Variants in ABCC9 observed in about 807,000 individuals in gnomAD.
ABCC9 encodes the protein ATP-binding cassette sub-family C member 9.
A neutral mutation model predicts 188.3 loss-of-function variants in ABCC9; 95 were observed. That is an observed-to-expected ratio of 0.50 (90% CI 0.43 to 0.60). ABCC9 has a LOEUF of 0.60. Among genes scored for constraint, ABCC9 ranks in the 20% least tolerant of loss-of-function variants. The pLI is 0.00. For synonymous variants in ABCC9, 659 were observed against 652.7 expected (o/e 1.01, Z -0.15); for missense variants, 1,102 against 1,876.3 (o/e 0.59, Z 7.62).
chr12:21,804,309 G>A (rs1941690892), intron 39 of ABCC9, among the ~76,000 whole-genome samples: 1 of 152,162 alleles, frequency 6.6e-6, no homozygotes, highest in Non-Finnish European at 1.5e-5. Flanking sequence ...TAATCTTCCA[G>A]ATACAGACTA....
chr12:21,864,181 G>A (rs552488549), intron 19 of ABCC9, among the ~76,000 whole-genome samples: 32 of 152,138 alleles, frequency 2.1e-4, no homozygotes, highest in Middle Eastern at 6.8e-3. Flanking sequence ...GTTTACTGAG[G>A]ATAGTTTGAG....
chr12:21,801,964 G>A (rs1565675885), intron 39 of ABCC9, among the ~76,000 whole-genome samples: 5 of 152,020 alleles, frequency 3.3e-5, no homozygotes. Flanking sequence ...TCAAAATTAG[G>A]TTTACTAATT....
At chr12:21,839,026 A>G (rs1310747851) in intron 29 of ABCC9, among the ~76,000 whole-genome samples, 1 of 152,226 alleles carries the variant, frequency 6.6e-6, no homozygotes, top group African/African-American at 2.4e-5. Context: ...ACGCTGTCTC[A>G]AAAATAAAAC....
At chr12:21,880,622 G>A (rs2137638893) in intron 16 of ABCC9, among the ~76,000 whole-genome samples, 2 of 152,126 alleles carry the variant, frequency 1.3e-5, no homozygotes, top group Middle Eastern at 3.4e-3. Flanking sequence ...AAAGTTGCTT[G>A]ACCTTATTTG....
chr12:21,903,926 A>G (rs1947898569), intron 12 of ABCC9, among the ~76,000 whole-genome samples: 1 of 152,258 alleles, frequency 6.6e-6, no homozygotes, highest in Non-Finnish European at 1.5e-5. Context: ...ATTGAAAAAA[A>G]CTACTTTAAA....
chr12:21,861,350 C>T (rs1256212592), intron 20 of ABCC9, among the ~76,000 whole-genome samples: 1 of 151,976 alleles, frequency 6.6e-6, no homozygotes, highest in Non-Finnish European at 1.5e-5. Context: ...CCCGCCTCAG[C>T]CTCCTGAATA....
At chr12:21,936,787 A>G in intron 2 of ABCC9, 93 bp from the exon 3 acceptor site, 1 of 909,514 alleles carries the variant, frequency 1.1e-6, no homozygotes, top group Admixed American at 2.6e-5. Flanking sequence ...GCTATATCAT[A>G]AAATTAATCC....
intron 16 of ABCC9, among the ~76,000 whole-genome samples, chr12:21,879,452 G>C (rs1946522758): frequency 6.6e-6 from 1 of 152,122 alleles, no homozygotes; most frequent in Non-Finnish European, 1.5e-5. Context: ...AAGGCGAGTG[G>C]GAAATGGGGA....
chr12:21,811,579 C>G (rs1171849847), intron 36 of ABCC9, among the ~76,000 whole-genome samples: 1 of 151,972 alleles, frequency 6.6e-6, no homozygotes, highest in African/African-American at 2.4e-5. Flanking sequence ...TGATATCCCC[C>G]CCGCCCTTTT....
intron 22 of ABCC9, among the ~76,000 whole-genome samples, chr12:21,855,424 G>A (rs1945173593): frequency 6.6e-6 from 1 of 152,070 alleles, no homozygotes; most frequent in South Asian, 2.1e-4. Context: ...GTTTCACCAT[G>A]TTGGTCAGGC....
chr12:21,920,174 A>G (rs956654633), intron 5 of ABCC9, among the ~76,000 whole-genome samples: 2 of 152,088 alleles, frequency 1.3e-5, no homozygotes, highest in African/African-American at 4.8e-5. Context: ...CCCTAAAATC[A>G]GGAACCAGAG....
chr12:21,862,934 T>G lies in ABCC9; in HGVS notation c.2339+19A>C. On this transcript the variant is annotated intron_variant, in intron 20 of 39. Coordinates refer to ENST00000261200, the MANE Select transcript of ABCC9 (RefSeq NM_020297.4). ...AAGAGTTGCCATTTTGGTTCTAAAT[T>G]TTATATGCTCAAAATTACCTCTGTT... 1 of 1,541,428 alleles carries G rather than the reference T, an allele frequency of 6.5e-7. No individual in the cohort carries two copies. The highest frequency in any genetic ancestry group is 9.0e-7 in the Non-Finnish European group (1 of 1,114,654).
In ABCC9 at chr12:21,852,184, T is replaced by A; in HGVS notation, c.2682A>T (p.Gly894=). Reference sequence around the variant, plus strand: ...CTTTGGTTTGAATGTCCTTCAAAGTTCCTTCTCTTAGGACACTTCCATCTT... The same window carrying A: ...CTTTGGTTTGAATGTCCTTCAAAGTACCTTCTCTTAGGACACTTCCATCTT... ...AMKDGSVLRE[G]TLKDIQTKDV... is the part of the protein sequence containing the mutation. Residue 894 remains glycine, a synonymous_variant, in exon 24 of 40, where the codon GGA becomes GGT. Coordinates refer to ENST00000261200, the MANE Select transcript of ABCC9 (RefSeq NM_020297.4). The A allele has an allele frequency of 6.2e-7, 1 of 1,613,802 alleles. No homozygotes were observed. Among genetic ancestry groups the A allele is most frequent in the Non-Finnish European group, 8.5e-7 (1 of 1,179,878 alleles).
intron 11 of ABCC9, among the ~76,000 whole-genome samples, chr12:21,907,710 C>T (rs1486009704): frequency 6.6e-6 from 1 of 151,950 alleles, no homozygotes; most frequent in Non-Finnish European, 1.5e-5. Context: ...CAAACTTGAC[C>T]CTTCACTTGC....
chr12:21,861,717 G>T (rs531613167), intron 20 of ABCC9, among the ~76,000 whole-genome samples: 7 of 152,174 alleles, frequency 4.6e-5, no homozygotes, highest in Non-Finnish European at 1.0e-4. Flanking sequence ...TGTTCAGAAA[G>T]TTGAGTAGTA....
chr12:21,869,495 A>G (rs905064933), intron 18 of ABCC9: 2 of 152,126 alleles, frequency 1.3e-5, no homozygotes, highest in Non-Finnish European at 2.9e-5. Flanking sequence ...TCACTCCTCT[A>G]CTTAAACTTC....
At chr12:21,902,198 C>T (rs935502165) in intron 12 of ABCC9, among the ~76,000 whole-genome samples, 1 of 152,174 alleles carries the variant, frequency 6.6e-6, no homozygotes. Context: ...TGAATGACCA[C>T]TGGGTACATA....
At chr12:21,811,143 G>C (rs983482796) in intron 36 of ABCC9, among the ~76,000 whole-genome samples, 1 of 152,112 alleles carries the variant, frequency 6.6e-6, no homozygotes, top group Non-Finnish European at 1.5e-5. Context: ...GAGTTTTTAT[G>C]AGATTCGATG....
chr12:21,844,030 G>C (rs974482620), intron 28 of ABCC9, among the ~76,000 whole-genome samples: 2 of 151,986 alleles, frequency 1.3e-5, no homozygotes, highest in African/African-American at 4.8e-5. Flanking sequence ...GGCATTCCTG[G>C]AATTTTTCCT....
Sources: allele counts gnomAD v4.1 joint callset (sites outside exome capture counted in the v4.1 genomes callset), GRCh38; gene constraint gnomAD v4.1.1; transcripts MANE v1.5; gene names NCBI Gene and HGNC (gene_info 2026-07-23, HGNC 2026-07-21).